Variants in TSPAN9 observed in about 807,000 individuals in gnomAD.
The protein encoded by TSPAN9 is tetraspanin 9.
Under a neutral mutation model 31.0 loss-of-function variants are expected in TSPAN9, and 16 were observed. That is an observed-to-expected ratio of 0.52 (90% CI 0.35 to 0.78). The LOEUF (loss-of-function observed/expected upper bound fraction) is 0.78. Ranked by LOEUF, TSPAN9 falls within the 30% of genes least tolerant of loss-of-function variation. The pLI is 0.01. For missense variants in TSPAN9, 272 were observed against 312.5 expected (o/e 0.87, Z 0.98); for synonymous variants, 145 against 121.6 (o/e 1.19, Z -1.27).
chr12:3,256,360 A>G (rs1444059188), intron 3 of TSPAN9, among the ~76,000 whole-genome samples: 1 of 152,208 alleles, frequency 6.6e-6, no homozygotes, highest in Non-Finnish European at 1.5e-5. Flanking sequence ...AGGACCAGGG[A>G]AGGCACTTGC....
chr12:3,204,892 G>C (rs879453586), intron 3 of TSPAN9, among the ~76,000 whole-genome samples: 1 of 152,168 alleles, frequency 6.6e-6, no homozygotes, highest in Non-Finnish European at 1.5e-5. Flanking sequence ...GGGTCCTCCT[G>C]GGGCCATCTG....
At chr12:3,257,009 G>A (rs971094400) in intron 3 of TSPAN9, among the ~76,000 whole-genome samples, 3 of 152,138 alleles carry the variant, frequency 2.0e-5, no homozygotes, top group African/African-American at 7.2e-5. Context: ...TACCAGGCAG[G>A]TGACATTGAA....
chr12:3,257,641 C>T (rs966580666), intron 3 of TSPAN9, among the ~76,000 whole-genome samples: 1 of 152,052 alleles, frequency 6.6e-6, no homozygotes, highest in Non-Finnish European at 1.5e-5. Flanking sequence ...CCTCCTGCCC[C>T]CTCTTCGCTG....
In TSPAN9 at chr12:3,253,034, C is replaced by T. The variant is rs538852300; in HGVS notation, c.64-25387C>T. On this transcript the variant is annotated intron_variant, in intron 3 of 8. Transcript: ENST00000011898. ...TGTCCGAGTGAGCCACTGCACCGCC[C>T]TGTTTACTCTCTCCCACCTGGAAAG... is the stretch of plus-strand genomic sequence containing the variant. Among the ~76,000 whole-genome samples, 5 of 151,796 alleles carry T rather than the reference C, an allele frequency of 3.3e-5. No homozygotes were observed. The South Asian group carries it at 1.0e-3, about 32-fold the overall frequency.
Position 3,084,623 on chromosome 12 carries a change from A to G in TSPAN9, c.-18+904A>G, listed in dbSNP as rs367629550. Among the ~76,000 whole-genome samples, 379 of 152,328 alleles carry G rather than the reference A, an allele frequency of 2.5e-3. 2 individuals carry two copies. The highest frequency in any genetic ancestry group is 8.6e-3 in the African/African-American group (359 of 41,572). On this transcript the variant is annotated intron_variant, in intron 2 of 8. Coordinates refer to ENST00000011898, the MANE Select transcript of TSPAN9 (RefSeq NM_006675.5). ...TAGGATGCCAGTATTCATATTTGTC[A>G]TCATGATCAGACTCAGTTTTAGACC...
intron 2 of TSPAN9, among the ~76,000 whole-genome samples, chr12:3,138,353 G>A (rs745360953): frequency 2.8e-4 from 43 of 152,108 alleles, no homozygotes; most frequent in Non-Finnish European, 4.6e-4. Context: ...ACCACCTCCC[G>A]GAGTCGGTTA....
intron 3 of TSPAN9, among the ~76,000 whole-genome samples, chr12:3,224,280 C>T (rs1339087783): frequency 2.6e-5 from 4 of 152,268 alleles, no homozygotes; most frequent in East Asian, 1.9e-4. Context: ...CAGATGGGAC[C>T]GGGAGGCTGT....
intron 2 of TSPAN9, among the ~76,000 whole-genome samples, chr12:3,193,439 C>G (rs147124738): frequency 6.6e-6 from 1 of 152,262 alleles, no homozygotes; most frequent in South Asian, 2.1e-4. Context: ...GTTTCCTCGG[C>G]GCTAAGCTAA....
At chr12:3,265,306 A>C (rs1862519301) in intron 3 of TSPAN9, among the ~76,000 whole-genome samples, 1 of 152,226 alleles carries the variant, frequency 6.6e-6, no homozygotes, top group Admixed American at 6.5e-5. Flanking sequence ...CACCGCGTGG[A>C]AAAGGGTCCA....
intron 2 of TSPAN9, among the ~76,000 whole-genome samples, chr12:3,111,874 G>T (rs1483487067): frequency 6.6e-6 from 1 of 151,930 alleles, no homozygotes; most frequent in Non-Finnish European, 1.5e-5. Flanking sequence ...GGCCTCCCAA[G>T]GTGCTGGGAT....
chr12:3,113,788 A>G (rs541894011), intron 2 of TSPAN9, among the ~76,000 whole-genome samples: 5 of 152,062 alleles, frequency 3.3e-5, no homozygotes, highest in East Asian at 3.9e-4. Flanking sequence ...TTACTCTTCT[A>G]TTGGGCCTTG....
chr12:3,163,865 G>C (rs2098346862), intron 2 of TSPAN9, among the ~76,000 whole-genome samples: 1 of 152,214 alleles, frequency 6.6e-6, no homozygotes, highest in Non-Finnish European at 1.5e-5. Flanking sequence ...GTGAGTTACT[G>C]CCTGTGGATA....
intron 3 of TSPAN9, among the ~76,000 whole-genome samples, chr12:3,215,895 C>T (rs934535245): frequency 6.6e-5 from 10 of 151,068 alleles, no homozygotes; most frequent in Non-Finnish European, 1.2e-4. Flanking sequence ...GTCCAGAGCA[C>T]GTTCCACCGG....
At chr12:3,120,160 A>C (rs1358321339) in intron 2 of TSPAN9, among the ~76,000 whole-genome samples, 2 of 152,206 alleles carry the variant, frequency 1.3e-5, no homozygotes, top group East Asian at 3.9e-4. Flanking sequence ...GGAAAGCTTT[A>C]ATGTATGCTT....
intron 2 of TSPAN9, among the ~76,000 whole-genome samples, chr12:3,130,273 A>T (rs568149663): frequency 9.3e-4 from 142 of 152,356 alleles, no homozygotes; most frequent in Non-Finnish European, 1.6e-3. Flanking sequence ...TTCGCCCTAA[A>T]GCTGATCGAG....
chr12:3,116,821 C>G (rs1275067996), intron 2 of TSPAN9, among the ~76,000 whole-genome samples: 1 of 152,162 alleles, frequency 6.6e-6, no homozygotes, highest in Non-Finnish European at 1.5e-5. Context: ...TGTCTCTTCT[C>G]CAGTTCCATC....
intron 2 of TSPAN9, among the ~76,000 whole-genome samples, chr12:3,189,300 G>A (rs2098363113): frequency 6.6e-6 from 1 of 152,200 alleles, no homozygotes; most frequent in South Asian, 2.1e-4. Context: ...GGAAGCAGAG[G>A]GCACAGCTCT....
At chr12:3,159,517 G>A (rs775184950) in intron 2 of TSPAN9, among the ~76,000 whole-genome samples, 2 of 152,192 alleles carry the variant, frequency 1.3e-5, no homozygotes, top group Non-Finnish European at 1.5e-5. Flanking sequence ...AGGTGACTGA[G>A]GTTAAATGAG....
At chr12:3,157,015 A>G (rs1014407880) in intron 2 of TSPAN9, among the ~76,000 whole-genome samples, 1 of 152,236 alleles carries the variant, frequency 6.6e-6, no homozygotes, top group African/African-American at 2.4e-5. Flanking sequence ...ATTGAGTACA[A>G]ATTCTCCCCC....
Sources: allele counts gnomAD v4.1 joint callset (sites outside exome capture counted in the v4.1 genomes callset), GRCh38; gene constraint gnomAD v4.1.1; transcripts MANE v1.5; gene names NCBI Gene and HGNC (gene_info 2026-07-23, HGNC 2026-07-21).